Variants in FRAS1 observed in about 807,000 individuals in gnomAD.
FRAS1 encodes Fraser extracellular matrix complex subunit 1.
Under a neutral mutation model 435.2 loss-of-function variants are expected in FRAS1, and 290 were observed. The observed-to-expected ratio is 0.67, with a 90% CI of 0.61 to 0.73. The LOEUF (loss-of-function observed/expected upper bound fraction) is 0.73, where lower values mean the gene tolerates loss of function less well. FRAS1 is among the 30% of genes least tolerant of loss of function. The pLI is 0.00. For missense variants in FRAS1, 4,860 were observed against 5,001.5 expected, an observed-to-expected ratio of 0.97 and a Z score of 0.85; for synonymous variants, 1,800 against 1,851.0, an observed-to-expected ratio of 0.97 and a Z score of 0.71.
At position 78,513,307 on chromosome 4, in the gene FRAS1, C is replaced by T. The variant is rs1203620206; in HGVS notation, c.10014-85C>T. ...AAAAATGGTAGCTCATTGGTGAAGA[C>T]AAATTAGGTGATGAGAAAGAAGTAT... is the stretch of plus-strand genomic sequence containing the variant. On this transcript the variant is annotated intron_variant, in intron 64 of 73. Transcript: ENST00000512123. The T allele has an allele frequency of 2.2e-6, 3 of 1,387,734 alleles. No individual in the cohort carries two copies. In the Admixed American group the frequency reaches 5.8e-5, roughly 27 times the overall value. The allele number at this position is 1,387,734 out of a possible 1,614,324, so 86.0% of individuals were successfully genotyped here.
At chr4:78,512,373 A>G (rs1216229434) in intron 64 of FRAS1, among the ~76,000 whole-genome samples, 1 of 152,072 alleles carries the variant, frequency 6.6e-6, no homozygotes, top group Admixed American at 6.6e-5. Context: ...TATCTTGGTG[A>G]CCCCTTCCTA....
chr4:78,275,679 G>C (rs1488719572), intron 9 of FRAS1, among the ~76,000 whole-genome samples: 1 of 152,218 alleles, frequency 6.6e-6, no homozygotes, highest in Admixed American at 6.5e-5. Flanking sequence ...TCTGCCAAGA[G>C]ATCAGCTGTT....
rs1560735903 is a variant in FRAS1, at chr4:78,451,753, T to C, written c.6464-19T>C. 6.4e-7 allele frequency: 1 copy of C among 1,560,226 alleles called. No individual in the cohort carries two copies. Among genetic ancestry groups the C allele is most frequent in the South Asian group, 1.2e-5 (1 of 82,856 alleles). On this transcript the variant is annotated intron_variant, in intron 45 of 73. Transcript: ENST00000512123. ...AGAAAGCACTAATAGCAAATCTTGATTTTTTTTCCTTTTTATAGGCCACGT... is the reference window on the plus strand; with the variant it reads ...AGAAAGCACTAATAGCAAATCTTGACTTTTTTTCCTTTTTATAGGCCACGT...
intron 7 of FRAS1, 55 bp downstream of exon 7, chr4:78,265,163 C>A: frequency 8.6e-7 from 1 of 1,168,470 alleles, no homozygotes; most frequent in Non-Finnish European, 1.2e-6. Flanking sequence ...CACACATCTG[C>A]CCTCCACCCA....
intron 53 of FRAS1, among the ~76,000 whole-genome samples, chr4:78,475,066 TTCCC>T (rs1157874327): frequency 6.6e-6 from 1 of 152,222 alleles, no homozygotes; most frequent in Non-Finnish European, 1.5e-5. Flanking sequence ...AGCAGCTTTC[TTCCC>T]TAAGAACCCA....
chr4:78,507,786 G>C (rs1307612467), intron 62 of FRAS1, among the ~76,000 whole-genome samples, 178 bp downstream of exon 62: 1 of 152,060 alleles, frequency 6.6e-6, no homozygotes, highest in African/African-American at 2.4e-5. Flanking sequence ...AGACATTTTT[G>C]GTTGTCACAG....
chr4:78,244,945 C>T (rs1170227367), intron 3 of FRAS1, among the ~76,000 whole-genome samples: 1 of 152,164 alleles, frequency 6.6e-6, no homozygotes, highest in Non-Finnish European at 1.5e-5. Flanking sequence ...TTGTGTAAAT[C>T]TCCTAGGGTT....
chr4:78,521,993 T>C (rs951914683), intron 68 of FRAS1, among the ~76,000 whole-genome samples: 2 of 152,250 alleles, frequency 1.3e-5, no homozygotes, highest in African/African-American at 2.4e-5. Flanking sequence ...CTTATTTTTA[T>C]ATTTGTTTAT....
At chr4:78,066,455 CTT>C (rs1477951299) in intron 2 of FRAS1, among the ~76,000 whole-genome samples, 1 of 152,144 alleles carries the variant, frequency 6.6e-6, no homozygotes, top group Non-Finnish European at 1.5e-5. Flanking sequence ...GAATTATAAA[CTT>C]AAGTTTTGGT....
intron 2 of FRAS1, among the ~76,000 whole-genome samples, chr4:78,195,588 C>A (rs1722769246): frequency 6.6e-6 from 1 of 152,226 alleles, no homozygotes; most frequent in Non-Finnish European, 1.5e-5. Context: ...GGGATATAAT[C>A]TCCTGGTGTG....
intron 63 of FRAS1, 144 bp from the exon 64 acceptor site, chr4:78,511,130 T>C: frequency 1.4e-6 from 1 of 708,370 alleles, no homozygotes; most frequent in Non-Finnish European, 2.3e-6. Flanking sequence ...TAAAAGTCAA[T>C]AATTACGTGA....
At chr4:78,355,651 T>C (rs1327698190) in intron 20 of FRAS1, among the ~76,000 whole-genome samples, 4 of 152,162 alleles carry the variant, frequency 2.6e-5, no homozygotes, top group Non-Finnish European at 5.9e-5. Flanking sequence ...CAGAAGCTGC[T>C]AGAGTGGTGG....
At chr4:78,484,897 G>A (rs1720121738) in intron 58 of FRAS1, among the ~76,000 whole-genome samples, 1 of 152,178 alleles carries the variant, frequency 6.6e-6, no homozygotes, top group Admixed American at 6.6e-5. Context: ...GTTTTAATTG[G>A]TGTAGAAGTA....
At chr4:78,282,354 G>A (rs1727369278) in intron 11 of FRAS1, among the ~76,000 whole-genome samples, 1 of 152,194 alleles carries the variant, frequency 6.6e-6, no homozygotes, top group Admixed American at 6.5e-5. Flanking sequence ...AGAATACAAT[G>A]ACTCAACTGT....
chr4:78,249,064 C>CATATATATATATATATATATATATAT (rs200267733), intron 4 of FRAS1, among the ~76,000 whole-genome samples: 5 of 16,638 alleles, frequency 3.0e-4, no homozygotes, highest in Admixed American at 1.1e-3. Flanking sequence ...TATATATATG[C>CATATATATATATATATATATATATAT]ATATATATAT....
chr4:78,375,573 G>A (rs1731725667), intron 25 of FRAS1, among the ~76,000 whole-genome samples, 166 bp from the exon 26 acceptor site: 1 of 152,224 alleles, frequency 6.6e-6, no homozygotes, highest in Non-Finnish European at 1.5e-5. Context: ...CCTCTCTGTA[G>A]ATCAGCTCCC....
chr4:78,184,511 T>C (rs1722189340), intron 2 of FRAS1, among the ~76,000 whole-genome samples: 1 of 152,234 alleles, frequency 6.6e-6, no homozygotes, highest in Admixed American at 6.5e-5. Context: ...CCACAGGCTA[T>C]AGTCTGTCAG....
chr4:78,460,962 A>G (rs1719353873), intron 47 of FRAS1, among the ~76,000 whole-genome samples: 1 of 152,200 alleles, frequency 6.6e-6, no homozygotes, highest in South Asian at 2.1e-4. Flanking sequence ...TTGAGCATCT[A>G]CTGTGTTCCA....
At chr4:78,529,029 G>A (rs1048952675) in intron 70 of FRAS1, among the ~76,000 whole-genome samples, 1 of 152,128 alleles carries the variant, frequency 6.6e-6, no homozygotes, top group African/African-American at 2.4e-5. Flanking sequence ...TGCTGGAAAT[G>A]AGATTTTTGG....
Sources: gnomAD v4.1 joint callset for allele counts (sites outside exome capture counted in the v4.1 genomes callset) on GRCh38, gnomAD v4.1.1 for gene constraint, MANE v1.5 for transcripts, NCBI Gene and HGNC (gene_info 2026-07-23, HGNC 2026-07-21) for gene names.